The following NEDD4L variants were observed in gnomAD, a reference collection of about 807,000 sequenced individuals.
NEDD4L encodes E3 ubiquitin-protein ligase NEDD4-like.
NEDD4L carries 54 observed loss-of-function variants against 148.9 expected under a neutral mutation model. The ratio of observed to expected loss-of-function variants is 0.36; its 90% CI spans 0.29 to 0.45. NEDD4L has a LOEUF of 0.45. Ranked by LOEUF, NEDD4L falls within the 20% of genes least tolerant of loss-of-function variation. The probability of loss-of-function intolerance (pLI) is 1.00; values close to 1 mark genes in which losing one functional copy is unlikely to be tolerated. For synonymous variants in NEDD4L, 433 were observed against 440.7 expected (o/e 0.98, Z 0.22); for missense variants, 856 against 1,233.8 (o/e 0.69, Z 4.59).
At chr18:58,276,916 A>G (rs2052159246) in intron 5 of NEDD4L, among the ~76,000 whole-genome samples, 1 of 147,094 alleles carries the variant, frequency 6.8e-6, no homozygotes, top group African/African-American at 2.5e-5. Flanking sequence ...GTGCTAAGGC[A>G]TTTTGGTGGA....
chr18:58,296,164 T>G (rs1007699120), intron 5 of NEDD4L, among the ~76,000 whole-genome samples: 1 of 152,144 alleles, frequency 6.6e-6, no homozygotes, highest in African/African-American at 2.4e-5. Context: ...ATTTTTTATT[T>G]TGGTGGTACC....
chr18:58,309,061 A>C (rs2057372078), intron 5 of NEDD4L, among the ~76,000 whole-genome samples: 1 of 152,082 alleles, frequency 6.6e-6, no homozygotes, highest in Admixed American at 6.5e-5. Flanking sequence ...CCTTTTTGGG[A>C]CACAGTCCTT....
At chr18:58,226,971 C>G (rs961852019) in intron 2 of NEDD4L, among the ~76,000 whole-genome samples, 4 of 152,158 alleles carry the variant, frequency 2.6e-5, no homozygotes, top group Non-Finnish European at 5.9e-5. Context: ...GTCTGCCTCT[C>G]CAGTGAACGA....
At chr18:58,259,982 A>G (rs566622191) in intron 5 of NEDD4L, among the ~76,000 whole-genome samples, 107 of 152,272 alleles carry the variant, frequency 7.0e-4, no homozygotes, top group African/African-American at 2.1e-3. Flanking sequence ...ATTTTTTGAC[A>G]TTAATATTAG....
chr18:58,369,263 G>T (rs1417445013), intron 22 of NEDD4L, among the ~76,000 whole-genome samples: 1 of 152,162 alleles, frequency 6.6e-6, no homozygotes, highest in Non-Finnish European at 1.5e-5. Flanking sequence ...CAGAGTCAAG[G>T]CCTTGTGGAA....
intron 2 of NEDD4L, among the ~76,000 whole-genome samples, chr18:58,168,024 T>C (rs2037088067): frequency 2.0e-5 from 3 of 152,234 alleles, no homozygotes; most frequent in African/African-American, 7.2e-5. Context: ...AGCAAATTCG[T>C]ACCTTGAATT....
chr18:58,078,001 A>G (rs1451724913), intron 1 of NEDD4L, among the ~76,000 whole-genome samples: 1 of 132,386 alleles, frequency 7.6e-6, no homozygotes, highest in Non-Finnish European at 1.6e-5. Context: ...AATAGTGCTG[A>G]GGCTGAGAAA....
At chr18:58,351,436 T>G (rs942904617) in intron 18 of NEDD4L, among the ~76,000 whole-genome samples, 2 of 152,388 alleles carry the variant, frequency 1.3e-5, no homozygotes, top group Middle Eastern at 3.4e-3. Flanking sequence ...TGTAAGTTTT[T>G]TAGACACTGC....
Position 58,389,255 on chromosome 18 carries a change from G to C in NEDD4L, c.2655+63G>C, listed in dbSNP as rs189037777. The C allele has an allele frequency of 9.0e-6, 11 of 1,219,832 alleles. No individual in the cohort carries two copies. In the African/African-American group the frequency reaches 1.5e-4, roughly 17 times the overall value. The allele number at this position is 1,219,832 out of a possible 1,614,324, so 75.6% of individuals were successfully genotyped here. A position where few individuals can be genotyped will look rare whatever the true frequency, so the allele number is the denominator to read the frequency against. The stretch of plus-strand genomic sequence containing the variant: ...CTGAGGCAGGATTGAGGGCTGTGTG[G>C]CGCCCTCCATTGTGGTCTGACTTCA... On this transcript the variant is annotated intron_variant, in intron 28 of 30. Transcript: ENST00000400345.
At position 58,349,602 on chromosome 18, in the gene NEDD4L, T is replaced by C. The variant is rs761398108; in HGVS notation, c.1641T>C (p.Leu547=). 1.9e-6 allele frequency: 3 copies of C among 1,613,732 alleles called. No individual in the cohort carries two copies. Among genetic ancestry groups the C allele is most frequent in the East Asian group, 2.2e-5 (1 of 44,892 alleles). ...RSKTSLNPND[L]GPLPPGWEER... is the part of the protein sequence containing the mutation. The stretch of plus-strand genomic sequence containing the variant: ...AGACATCTTTAAACCCCAATGACCT[T>C]GGCCCCCTTCCTGTGAGTACACTGG... The change falls in exon 17 of 31, where the codon CTT becomes CTC. Residue 547 remains leucine (L), a synonymous_variant. Coordinates refer to ENST00000400345, the MANE Select transcript of NEDD4L (RefSeq NM_001144967.3).
intron 2 of NEDD4L, among the ~76,000 whole-genome samples, chr18:58,228,071 C>G (rs1049642063): frequency 1.3e-5 from 2 of 152,174 alleles, no homozygotes; most frequent in Admixed American, 6.5e-5. Flanking sequence ...TACCCTACCC[C>G]ACTCCAGCCA....
chr18:58,244,301 CAT>C (rs1160415089), intron 2 of NEDD4L, among the ~76,000 whole-genome samples: 1 of 152,176 alleles, frequency 6.6e-6, no homozygotes, highest in Admixed American at 6.5e-5. Flanking sequence ...AGATTGAATA[CAT>C]GAGAGCCCTT....
intron 5 of NEDD4L, among the ~76,000 whole-genome samples, chr18:58,312,634 A>T (rs1308481532): frequency 6.6e-6 from 1 of 152,102 alleles, no homozygotes; most frequent in East Asian, 1.9e-4. Flanking sequence ...AGGTTCTCTG[A>T]TCCCCTGTTA....
intron 9 of NEDD4L, among the ~76,000 whole-genome samples, chr18:58,326,149 C>G (rs949154752): frequency 2.0e-5 from 3 of 152,216 alleles, no homozygotes; most frequent in Non-Finnish European, 4.4e-5. Flanking sequence ...TGTAAAGATA[C>G]TCCACATATG....
At chr18:58,240,832 T>C (rs2046545010) in intron 2 of NEDD4L, among the ~76,000 whole-genome samples, 1 of 151,910 alleles carries the variant, frequency 6.6e-6, no homozygotes, top group African/African-American at 2.4e-5. Context: ...TGTATGTATG[T>C]ATTTAGAGAC....
At chr18:58,313,982 T>C (rs766508628) in intron 5 of NEDD4L, among the ~76,000 whole-genome samples, 11 of 152,218 alleles carry the variant, frequency 7.2e-5, no homozygotes, top group Non-Finnish European at 1.5e-4. Flanking sequence ...CTTCCCACAT[T>C]AGCAGCCATA....
chr18:58,075,504 C>T (rs1036342308), intron 1 of NEDD4L, among the ~76,000 whole-genome samples: 1 of 152,156 alleles, frequency 6.6e-6, no homozygotes, highest in Non-Finnish European at 1.5e-5. Flanking sequence ...AGCTGGAGTG[C>T]AGTGGTGTGA....
At chr18:58,225,709 A>G (rs1015658948) in intron 2 of NEDD4L, among the ~76,000 whole-genome samples, 2 of 152,234 alleles carry the variant, frequency 1.3e-5, no homozygotes, top group East Asian at 1.9e-4. Context: ...CCAAGGGCAC[A>G]TTATTAGGTC....
intron 2 of NEDD4L, among the ~76,000 whole-genome samples, chr18:58,188,283 C>T (rs954688273): frequency 1.3e-5 from 2 of 152,224 alleles, no homozygotes; most frequent in Non-Finnish European, 2.9e-5. Context: ...GAACATAGGG[C>T]TCAAAGGGAC....
Sources: allele counts gnomAD v4.1 joint callset (sites outside exome capture counted in the v4.1 genomes callset), GRCh38; gene constraint gnomAD v4.1.1; transcripts MANE v1.5; gene names NCBI Gene and HGNC (gene_info 2026-07-23, HGNC 2026-07-21).